Variants in MUC22 observed in about 807,000 individuals in gnomAD.
MUC22 encodes the protein mucin 22.
MUC22 carries 24 observed loss-of-function variants against 40.3 expected under a neutral mutation model. The ratio of observed to expected loss-of-function variants is 0.60; its 90% CI spans 0.43 to 0.84. The LOEUF is 0.84. Among genes scored for constraint, MUC22 ranks in the 40% least tolerant of loss-of-function variants. The probability of loss-of-function intolerance (pLI) is 0.00; values close to 1 mark genes in which losing one functional copy is unlikely to be tolerated. For synonymous variants in MUC22, 765 were observed against 844.5 expected (o/e 0.91, Z 1.63); for missense variants, 1,926 against 2,130.7 (o/e 0.90, Z 1.89).
chr6:31,024,233 A>G (rs1411143497), intron 1 of MUC22, among the ~76,000 whole-genome samples: 1 of 152,232 alleles, frequency 6.6e-6, no homozygotes, highest in Admixed American at 6.5e-5. Flanking sequence ...CACGATTCTG[A>G]ATTGAACTGG....
chr6:31,030,682 A>G (rs926230623), intron 2 of MUC22, among the ~76,000 whole-genome samples: 1 of 151,842 alleles, frequency 6.6e-6, no homozygotes, highest in African/African-American at 2.4e-5. Context: ...GCCCGCCTCA[A>G]CTCTACTGGC....
In MUC22 at chr6:31,034,894, G is replaced by A. The variant is rs757944022; in HGVS notation, c.5278G>A (p.Gly1760Arg). 32 of 1,535,500 alleles carry A rather than the reference G, an allele frequency of 2.1e-5. No homozygotes were observed. Among genetic ancestry groups the A allele is most frequent in the Admixed American group, 3.9e-5 (2 of 50,964 alleles). Residue 1760 changes from glycine to arginine, a missense_variant, in exon 4 of 4, where the codon GGA becomes AGA. Around this residue, in one of 3 missense-constraint regions of MUC22, gnomAD observed 610 missense variants for 714.6 expected, o/e 0.85. Coordinates refer to ENST00000561890, the Ensembl canonical transcript of MUC22. ...GAGCCACATCCATGGAGATGGCTACGGAGTGAATCATGGCGGGCATTATGG... is the reference window on the plus strand; with the variant it reads ...GAGCCACATCCATGGAGATGGCTACAGAGTGAATCATGGCGGGCATTATGG...
chr6:31,033,308 A>G (rs1766211668), intron 3 of MUC22, among the ~76,000 whole-genome samples: 1 of 149,242 alleles, frequency 6.7e-6, no homozygotes, highest in African/African-American at 2.4e-5. Context: ...AGAAAGAGAA[A>G]GAAAAAAGAA....
rs899151268 is a variant in MUC22, at chr6:31,035,370, A to T, written c.*432A>T. 22 of 180,370 alleles carry T rather than the reference A, an allele frequency of 1.2e-4. 1 individual carries two copies. The South Asian group carries it at 1.7e-3, about 14-fold the overall frequency. The allele number at this position is 180,370 out of a possible 1,614,324, so 11.2% of individuals were successfully genotyped here. A position where few individuals can be genotyped will look rare whatever the true frequency, so the allele number is the denominator to read the frequency against. ...TATTACCAAGACATGTCTAAGAAAC[A>T]AAAGCACATAATGAATGTATTATCA... On this transcript the variant is annotated 3_prime_UTR_variant, in exon 4 of 4. Transcript: ENST00000561890.
intron 2 of MUC22, 108 bp downstream of exon 2, chr6:31,030,208 A>G (rs892084875): frequency 1.1e-5 from 14 of 1,258,640 alleles, no homozygotes; most frequent in Non-Finnish European, 1.4e-5. Flanking sequence ...TCAAGCCAGC[A>G]CACAGTTAGA....
chr6:31,029,485 GGCTCT>G lies in MUC22; in HGVS notation c.4056_4060del (p.Ser1353AspfsTer10). 1 of 1,534,554 alleles carries G rather than the reference GGCTCT, an allele frequency of 6.5e-7. No homozygotes were observed. Among genetic ancestry groups the G allele is most frequent in the African/African-American group, 1.4e-5 (1 of 72,990 alleles). The stretch of plus-strand genomic sequence containing the variant: ...TGGGACCACCACAGCCTCTACCGCA[GGCTCT>G]GAGACCACAACAGTCTATATCACAG... On this transcript the variant is annotated frameshift_variant, in exon 2 of 4. Coordinates refer to ENST00000561890, the Ensembl canonical transcript of MUC22. LOFTEE classifies it high-confidence loss of function.
chr6:31,019,138 C>A (rs1340869571), intron 1 of MUC22, among the ~76,000 whole-genome samples: 5 of 152,162 alleles, frequency 3.3e-5, no homozygotes, highest in Non-Finnish European at 7.3e-5. Context: ...CTAATATTTC[C>A]AACTTCCACT....
chr6:31,029,557 A>G (rs11756038), exon 2 of MUC22: 180,965 of 1,534,576 alleles, frequency 0.12, 11,654 homozygotes, highest in Admixed American at 0.16. Context: ...CTCTGAGGCC[A>G]CTACAGTTTC....
At chr6:31,020,147 A>G (rs563094189) in intron 1 of MUC22, among the ~76,000 whole-genome samples, 1 of 152,342 alleles carries the variant, frequency 6.6e-6, no homozygotes, top group African/African-American at 2.4e-5. Context: ...ACTTTAAAAA[A>G]TCATACCAAA....
chr6:31,030,578 C>CT (rs28383828), intron 2 of MUC22, among the ~76,000 whole-genome samples: 7 of 147,806 alleles, frequency 4.7e-5, no homozygotes, highest in Admixed American at 6.8e-5. Flanking sequence ...GGTCTCACCT[C>CT]TTTTTTTTTA....
intron 1 of MUC22, among the ~76,000 whole-genome samples, chr6:31,016,785 G>A (rs9262471): frequency 0.15 from 22,100 of 152,256 alleles, 1,763 homozygotes; most frequent in African/African-American, 0.19. Context: ...TTTCAGGGAG[G>A]TGTGGAGGGA....
Position 31,030,118 on chromosome 6 carries a change from T to C in MUC22, c.4669+18T>C, listed in dbSNP as rs1387209567. 7 of 1,493,900 alleles carry C rather than the reference T, an allele frequency of 4.7e-6. No homozygotes were observed. The highest frequency in any genetic ancestry group is 1.4e-5 in the African/African-American group (1 of 71,826). 92.5% of individuals were successfully genotyped at this position (1,493,900 alleles called of 1,614,324 possible). On this transcript the variant is annotated intron_variant, in intron 2 of 3. Transcript: ENST00000561890. ...TATGTCAGGTACTAACCCCCATGTC[T>C]TCTTTGAGCCCACACATTTTAACTC...
In MUC22 at chr6:31,032,276, GC is replaced by G; in HGVS notation, c.4752del (p.Ser1585AlafsTer7). 6.5e-7 allele frequency: 1 copy of G among 1,535,626 alleles called. No homozygotes were observed. On this transcript the variant is annotated frameshift_variant, in exon 3 of 4. Coordinates refer to ENST00000561890, the Ensembl canonical transcript of MUC22. LOFTEE classifies it high-confidence loss of function. The surrounding 1 kb of genome is among the most constrained non-coding windows in gnomAD (Gnocchi z 4.1). ...TGGAATGGACTTCACGGCCTCTGCTGCCAGCCATACTGTGCCAGGAATAGTC... is the reference window on the plus strand; with the variant it reads ...TGGAATGGACTTCACGGCCTCTGCTGCAGCCATACTGTGCCAGGAATAGTC...
intron 1 of MUC22, among the ~76,000 whole-genome samples, chr6:31,017,299 G>A (rs1764294371): frequency 6.6e-6 from 1 of 152,264 alleles, no homozygotes; most frequent in Non-Finnish European, 1.5e-5. Flanking sequence ...TTTATGTCTA[G>A]CTAAGGGATT....
chr6:31,032,106 T>G lies in MUC22; in HGVS notation c.4670-90T>G. ...CTGAGCCACCTCCACCATAGGTTTG[T>G]TAGATTCACCCTCCTCTGGTCTAAG... On this transcript the variant is annotated intron_variant, in intron 2 of 3. Coordinates refer to ENST00000561890, the Ensembl canonical transcript of MUC22. This position sits in a 1 kb window ranked among gnomAD's most constrained non-coding sequence, Gnocchi z 4.1. 5.0e-6 allele frequency: 7 copies of G among 1,395,102 alleles called. No individual in the cohort carries two copies. Among genetic ancestry groups the G allele is most frequent in the Non-Finnish European group, 6.6e-6 (7 of 1,054,604 alleles). 86.4% of individuals were successfully genotyped at this position (1,395,102 alleles called of 1,614,324 possible).
At position 31,028,300 on chromosome 6, in the gene MUC22, GT is replaced by G; in HGVS notation, c.2872del (p.Ser958LeufsTer83). ...CATCACAGGCTCTGAGACCACTAAA[GT>G]TTCTACCACAGGTTCAGAGACCACC... is the stretch of plus-strand genomic sequence containing the variant. On this transcript the variant is annotated frameshift_variant, in exon 2 of 4. Transcript: ENST00000561890. LOFTEE classifies it high-confidence loss of function. 3.9e-6 allele frequency: 6 copies of G among 1,534,334 alleles called. No homozygotes were observed. Among genetic ancestry groups the G allele is most frequent in the Non-Finnish European group, 4.4e-6 (5 of 1,146,546 alleles).
chr6:31,029,800 A>G, exon 2 of MUC22: 3 of 1,475,660 alleles, frequency 2.0e-6, no homozygotes, highest in Non-Finnish European at 2.7e-6. Flanking sequence ...TGAGACCACC[A>G]CAGCCTCCAC....
exon 2 of MUC22, chr6:31,028,279 A>T (rs1206387282): frequency 3.9e-6 from 6 of 1,534,448 alleles, no homozygotes; most frequent in Non-Finnish European, 5.2e-6. Context: ...AGTCTCCATC[A>T]CAGGCTCTGA....
intron 1 of MUC22, among the ~76,000 whole-genome samples, chr6:31,022,274 C>T (rs1378531418): frequency 1.3e-5 from 2 of 152,148 alleles, no homozygotes; most frequent in Admixed American, 6.5e-5. Flanking sequence ...TTTCCTGCCT[C>T]AGCTTCTCGA....
Sources: gnomAD v4.1 joint callset for allele counts (sites outside exome capture counted in the v4.1 genomes callset) on GRCh38, gnomAD v4.1.1 for gene constraint, gnomAD v4.1.1 regional missense constraint, Gnocchi (gnomAD v3.1) non-coding constraint, MANE v1.5 for transcripts, NCBI Gene and HGNC (gene_info 2026-07-23, HGNC 2026-07-21) for gene names.